UCK2: variants seen among roughly 807,000 people sequenced by gnomAD.
The protein encoded by UCK2 is uridine-cytidine kinase 2, also known as cytidine monophosphokinase 2.
UCK2 carries 6 observed loss-of-function variants against 30.8 expected under a neutral mutation model. The observed-to-expected ratio is 0.19, with a 90% CI of 0.11 to 0.38. The LOEUF is 0.38. UCK2 is among the 10% of genes least tolerant of loss of function. UCK2 has a pLI of 1.00. For missense variants in UCK2, 210 were observed against 339.8 expected, an observed-to-expected ratio of 0.62 and a Z score of 3.00; for synonymous variants, 125 against 133.6, an observed-to-expected ratio of 0.94 and a Z score of 0.45.
At chr1:165,858,435 C>A (rs1374565112) in intron 1 of UCK2, among the ~76,000 whole-genome samples, 1 of 152,142 alleles carries the variant, frequency 6.6e-6, no homozygotes, top group African/African-American at 2.4e-5. Context: ...CCCTTGGGAG[C>A]CTTGCCTACA....
At chr1:165,873,778 T>TG (rs1655261856) in intron 1 of UCK2, among the ~76,000 whole-genome samples, 2 of 152,102 alleles carry the variant, frequency 1.3e-5, no homozygotes, top group Admixed American at 6.5e-5. Flanking sequence ...TGCCGAGACG[T>TG]GGGGGGTGGT....
chr1:165,863,769 T>C (rs1571278944), intron 1 of UCK2, among the ~76,000 whole-genome samples: 2 of 152,330 alleles, frequency 1.3e-5, no homozygotes, highest in Non-Finnish European at 2.9e-5. Context: ...AGAATATTAG[T>C]AGTAGACTCA....
chr1:165,884,774 A>G (rs1033072730), intron 1 of UCK2, among the ~76,000 whole-genome samples: 1 of 152,202 alleles, frequency 6.6e-6, no homozygotes, highest in East Asian at 1.9e-4. Context: ...TTGTGTAGCA[A>G]TACAGGAACC....
intron 1 of UCK2, among the ~76,000 whole-genome samples, chr1:165,848,448 A>G (rs1205865770): frequency 6.6e-6 from 1 of 152,200 alleles, no homozygotes; most frequent in Non-Finnish European, 1.5e-5. Flanking sequence ...CCTGGCCAAC[A>G]TGGTGAAAAC....
intron 4 of UCK2, among the ~76,000 whole-genome samples, chr1:165,902,330 C>T (rs748320897): frequency 3.3e-4 from 50 of 151,998 alleles, no homozygotes; most frequent in Middle Eastern, 3.4e-3. Flanking sequence ...ATCACTTGCT[C>T]AAGCCCAGGA....
At chr1:165,830,869 A>G (rs1654030747) in intron 1 of UCK2, among the ~76,000 whole-genome samples, 1 of 152,102 alleles carries the variant, frequency 6.6e-6, no homozygotes, top group Non-Finnish European at 1.5e-5. Context: ...CCCCATCTGT[A>G]TAAAATGAAA....
rs184610500 is a variant in UCK2 at position 165,874,710 on chromosome 1, G to A, written c.100-15494G>A. Among the ~76,000 whole-genome samples the A allele has an allele frequency of 9.2e-5, 14 of 151,950 alleles. No individual in the cohort carries two copies. In the East Asian group the frequency reaches 1.7e-3, roughly 19 times the overall value. On this transcript the variant is annotated intron_variant, in intron 1 of 6. Transcript: ENST00000367879. ...AAAACAGGAAGATTTTTTTTTTAAC[G>A]TAAGAATTCCTTTTCTTCCATCTAT...
chr1:165,879,353 C>A (rs1247610458), intron 1 of UCK2, among the ~76,000 whole-genome samples: 1 of 152,104 alleles, frequency 6.6e-6, no homozygotes, highest in Admixed American at 6.6e-5. Flanking sequence ...CGATGGATAT[C>A]CATTCAGTTG....
chr1:165,881,205 A>G (rs1313055420), intron 1 of UCK2, among the ~76,000 whole-genome samples: 1 of 150,596 alleles, frequency 6.6e-6, no homozygotes, highest in Non-Finnish European at 1.5e-5. Flanking sequence ...AAAAAAAAAA[A>G]AGAGATGATG....
chr1:165,869,505 G>A (rs1427385481), intron 1 of UCK2, among the ~76,000 whole-genome samples: 3 of 151,880 alleles, frequency 2.0e-5, no homozygotes, highest in African/African-American at 4.8e-5. Context: ...TTCCTATACT[G>A]TTTTCTACAG....
At chr1:165,867,043 TTTTG>T (rs1309206318) in intron 1 of UCK2, among the ~76,000 whole-genome samples, 2 of 152,202 alleles carry the variant, frequency 1.3e-5, no homozygotes, top group South Asian at 2.1e-4. Context: ...TCACACAATT[TTTTG>T]TTTCTTTTCC....
At chr1:165,899,811 C>T (rs1222898923) in intron 4 of UCK2, among the ~76,000 whole-genome samples, 3 of 152,174 alleles carry the variant, frequency 2.0e-5, no homozygotes, top group African/African-American at 7.2e-5. Context: ...AAGGGCCTTT[C>T]AGTGCAGGGA....
intron 1 of UCK2, among the ~76,000 whole-genome samples, chr1:165,830,613 CCA>C (rs1557829863): frequency 2.1e-5 from 3 of 143,370 alleles, no homozygotes; most frequent in Admixed American, 6.9e-5. Context: ...GTGTGCGCCA[CCA>C]CGCCGGCAAT....
intron 1 of UCK2, among the ~76,000 whole-genome samples, chr1:165,856,666 T>C (rs1654753783): frequency 6.6e-6 from 1 of 152,240 alleles, no homozygotes; most frequent in African/African-American, 2.4e-5. Context: ...TACACGATTA[T>C]ATTAAATTGC....
intron 3 of UCK2, among the ~76,000 whole-genome samples, chr1:165,891,952 G>C (rs1362499102): frequency 6.6e-6 from 1 of 151,672 alleles, no homozygotes; most frequent in East Asian, 2.0e-4. Flanking sequence ...CAGACCCCAG[G>C]CTCCTTCAGA....
chr1:165,870,245 A>G (rs958683919), intron 1 of UCK2, among the ~76,000 whole-genome samples: 21 of 146,738 alleles, frequency 1.4e-4, no homozygotes, highest in Non-Finnish European at 7.4e-5. Context: ...AGTTTTCCCA[A>G]TACCATTAGC....
intron 1 of UCK2, among the ~76,000 whole-genome samples, chr1:165,850,419 C>T (rs1161200512): frequency 1.3e-5 from 2 of 151,904 alleles, no homozygotes; most frequent in Non-Finnish European, 2.9e-5. Flanking sequence ...CATGAGCCAC[C>T]GTGCCCGGCC....
chr1:165,903,138 G>A (rs1363074057), intron 4 of UCK2, 44 bp from the exon 5 acceptor site: 1 of 1,518,028 alleles, frequency 6.6e-7, no homozygotes, highest in South Asian at 1.1e-5. Flanking sequence ...GTGTGTGCTG[G>A]CTCCTACACC....
chr1:165,903,116 C>A, intron 4 of UCK2, 66 bp from the exon 5 acceptor site: 1 of 1,273,108 alleles, frequency 7.9e-7, no homozygotes, highest in South Asian at 1.3e-5. Flanking sequence ...AGGTCCACCC[C>A]ATGAAGGGCG....
Sources: gnomAD v4.1 joint callset for allele counts (sites outside exome capture counted in the v4.1 genomes callset) on GRCh38, gnomAD v4.1.1 for gene constraint, MANE v1.5 for transcripts, NCBI Gene and HGNC (gene_info 2026-07-23, HGNC 2026-07-21) for gene names.